SNX1: variants seen among roughly 807,000 people sequenced by gnomAD.
SNX1 encodes the protein sorting nexin 1.
Under a neutral mutation model 71.8 loss-of-function variants are expected in SNX1, and 36 were observed. The observed-to-expected ratio is 0.50, with a 90% CI of 0.38 to 0.66. SNX1 has a LOEUF of 0.66. Ranked by LOEUF, SNX1 falls within the 30% of genes least tolerant of loss-of-function variation. The pLI is 0.00. For missense variants in SNX1, 612 were observed against 646.7 expected, an observed-to-expected ratio of 0.95 and a Z score of 0.58; for synonymous variants, 254 against 240.7, an observed-to-expected ratio of 1.06 and a Z score of -0.51.
intron 4 of SNX1, among the ~76,000 whole-genome samples, chr15:64,122,518 C>T (rs1266723393): frequency 6.6e-6 from 1 of 152,132 alleles, no homozygotes; most frequent in African/African-American, 2.4e-5. Context: ...AGCCATCTTA[C>T]TGAAACCAAG....
chr15:64,136,426 C>T lies in SNX1; in HGVS notation c.1446+16C>T. On this transcript the variant is annotated intron_variant, in intron 13 of 14. Coordinates refer to ENST00000559844, the MANE Select transcript of SNX1 (RefSeq NM_003099.5). ...ACGGTTTGAGGTGAGATAGAAAATC[C>T]TACTTCTCACTTAGCATGCAGTGCT... 1 of 1,599,384 alleles carries T rather than the reference C, an allele frequency of 6.3e-7. No individual in the cohort carries two copies. The highest frequency in any genetic ancestry group is 8.6e-7 in the Non-Finnish European group (1 of 1,166,592).
chr15:64,123,474 T>C (rs773733099), intron 4 of SNX1, 29 bp from the exon 5 acceptor site: 5 of 1,605,322 alleles, frequency 3.1e-6, no homozygotes, highest in Non-Finnish European at 2.6e-6. Context: ...GTTTACAAGA[T>C]AATCTTCTGC....
chr15:64,126,894 A>T, intron 6 of SNX1, among the ~76,000 whole-genome samples: 1 of 152,064 alleles, frequency 6.6e-6, no homozygotes, highest in East Asian at 1.9e-4. Flanking sequence ...CTCTTCATTA[A>T]CATCAGTTGA....
chr15:64,109,897 G>A (rs1227769813), intron 1 of SNX1, among the ~76,000 whole-genome samples: 1 of 152,154 alleles, frequency 6.6e-6, no homozygotes, highest in Non-Finnish European at 1.5e-5. Flanking sequence ...CACACTTCTG[G>A]GGGAATGTAA....
chr15:64,123,826 G>A lies in SNX1; in HGVS notation c.510+280G>A, dbSNP rs114745313. Among the ~76,000 whole-genome samples the A allele has an allele frequency of 7.6e-3, 1,150 of 152,216 alleles. 16 individuals are homozygous for A. Among genetic ancestry groups the A allele is most frequent in the African/African-American group, 0.027 (1,106 of 41,502 alleles). On this transcript the variant is annotated intron_variant, in intron 5 of 14. Transcript: ENST00000559844. ...TCCCTCTTAGAGAACCATGTGGTTT[G>A]GAGCTAGATTCACAGATTGCCCTAA...
intron 1 of SNX1, among the ~76,000 whole-genome samples, chr15:64,096,779 C>T (rs2080906785): frequency 1.3e-5 from 2 of 152,196 alleles, no homozygotes; most frequent in Admixed American, 1.3e-4. Flanking sequence ...AAAGCTTTCT[C>T]CTTTTTAAAG....
chr15:64,126,148 T>C lies in SNX1; in HGVS notation c.580T>C (p.Tyr194His), dbSNP rs755651604. Residue 194 changes from tyrosine (Y) to histidine (H), a missense_variant, in exon 6 of 15, where the codon TAT (tyrosine) becomes CAT (histidine). By Grantham distance (83) the Tyr-to-His change is moderately conservative. Coordinates refer to ENST00000559844, the MANE Select transcript of SNX1 (RefSeq NM_003099.5). ...AAGATTTAGTGACTTTCTGGGTCTT[T>C]ATGAGAAGCTTTCCGAGAAGCACTC... is the stretch of plus-strand genomic sequence containing the variant. ...KRRFSDFLGL[Y>H]EKLSEKHSQN... The C allele has an allele frequency of 6.6e-5, 107 of 1,614,058 alleles. No individual in the cohort carries two copies. The highest frequency in any genetic ancestry group is 8.6e-5 in the Non-Finnish European group (102 of 1,180,004).
intron 1 of SNX1, among the ~76,000 whole-genome samples, chr15:64,107,554 C>T (rs186802986): frequency 6.2e-4 from 95 of 152,310 alleles, no homozygotes; most frequent in African/African-American, 2.1e-3. Flanking sequence ...CAAAAGTGCT[C>T]TCTCTTTCTG....
chr15:64,136,286 G>C (rs1467011244), intron 12 of SNX1, 44 bp from the exon 13 acceptor site: 2 of 1,461,032 alleles, frequency 1.4e-6, no homozygotes, highest in Non-Finnish European at 1.9e-6. Context: ...CTTAATAATG[G>C]TGCCATAATA....
At chr15:64,126,803 C>G (rs2081258249) in intron 6 of SNX1, among the ~76,000 whole-genome samples, 1 of 152,194 alleles carries the variant, frequency 6.6e-6, no homozygotes, top group South Asian at 2.1e-4. Flanking sequence ...TGGTCTTGAT[C>G]TCTTGACCTC....
Position 64,131,460 on chromosome 15 carries a change from T to C in SNX1, c.1016-227T>C, listed in dbSNP as rs114946945. ...CTTCCTTCAGGTAGGCCTAACCCAGTGAAACTCAGGACAGCTGGTGCCTCT... is the reference window on the plus strand; with the variant it reads ...CTTCCTTCAGGTAGGCCTAACCCAGCGAAACTCAGGACAGCTGGTGCCTCT... On this transcript the variant is annotated intron_variant, in intron 10 of 14. Transcript: ENST00000559844. 7.6e-3 allele frequency among the ~76,000 whole-genome samples: 1,151 copies of C among 152,292 alleles called. 16 individuals are homozygous for C. The highest frequency in any genetic ancestry group is 0.027 in the African/African-American group (1,107 of 41,548).
At chr15:64,127,000 C>G (rs1001401087) in intron 6 of SNX1, among the ~76,000 whole-genome samples, 174 bp from the exon 7 acceptor site, 1 of 152,182 alleles carries the variant, frequency 6.6e-6, no homozygotes, top group African/African-American at 2.4e-5. Context: ...GACTAGTTTT[C>G]AAAAGTGGCT....
Position 64,134,513 on chromosome 15 carries a change from A to T in SNX1, c.1222-151A>T. On this transcript the variant is annotated intron_variant, in intron 11 of 14. Transcript: ENST00000559844. The surrounding 1 kb of genome is among the most constrained non-coding windows in gnomAD (Gnocchi z 4.1). ...TACCCAAGCTTTGCTCCTAGACATT[A>T]AACTTCCCAGCTGGGCACTAACATG... The T allele has an allele frequency of 3.4e-6, 3 of 874,794 alleles. No individual in the cohort carries two copies. Among genetic ancestry groups the T allele is most frequent in the Non-Finnish European group, 5.1e-6 (3 of 586,234 alleles). 54.2% of individuals were successfully genotyped at this position (874,794 alleles called of 1,614,324 possible).
chr15:64,096,034 C>G lies in SNX1; in HGVS notation c.21C>G (p.Gly7=). 1 of 1,595,112 alleles carries G rather than the reference C, an allele frequency of 6.3e-7. No homozygotes were observed. Among genetic ancestry groups the G allele is most frequent in the Non-Finnish European group, 8.5e-7 (1 of 1,174,936 alleles). MASGGG[G]CSASERLPPP... ...AGAAGATGGCGTCGGGTGGTGGTGG[C>G]TGTAGCGCTTCGGAGAGACTGCCTC... is the stretch of plus-strand genomic sequence containing the variant. The change falls in exon 1 of 15, where the codon GGC becomes GGG. Residue 7 remains glycine, a synonymous_variant. Coordinates refer to ENST00000559844, the MANE Select transcript of SNX1 (RefSeq NM_003099.5).
In SNX1 at chr15:64,142,559, A is replaced by G; in HGVS notation, c.*4941A>G. 2.2e-6 allele frequency: 1 copy of G among 450,576 alleles called. No homozygotes were observed. Among genetic ancestry groups the G allele is most frequent in the Non-Finnish European group, 4.5e-6 (1 of 223,530 alleles). 27.9% of individuals were successfully genotyped at this position (450,576 alleles called of 1,614,324 possible). A position where few individuals can be genotyped will look rare whatever the true frequency, so the allele number is the denominator to read the frequency against. ...TGCCTCACTGCTGAGGCCACAGGAA[A>G]GAATCTGTAGGTGGAGGGGAGGCCG... On this transcript the variant is annotated 3_prime_UTR_variant, in exon 15 of 15. Transcript: ENST00000559844.
chr15:64,126,297 A>T, intron 6 of SNX1, 77 bp downstream of exon 6: 1 of 1,410,550 alleles, frequency 7.1e-7, no homozygotes, highest in Non-Finnish European at 9.7e-7. Context: ...TGTTCAGTAT[A>T]TGAGACTACT....
At chr15:64,127,513 G>A (rs766548375) in intron 7 of SNX1, among the ~76,000 whole-genome samples, 15 of 152,140 alleles carry the variant, frequency 9.9e-5, no homozygotes, top group Non-Finnish European at 5.9e-5. Context: ...ATGGCTCTGA[G>A]GTTTCTTTCT....
intron 10 of SNX1, 145 bp from the exon 11 acceptor site, chr15:64,131,540 CTG>C: frequency 1.5e-6 from 1 of 674,134 alleles, no homozygotes; most frequent in Admixed American, 2.6e-5. Flanking sequence ...ATACAGTTAA[CTG>C]TGGTGTAAGT....
In SNX1 at chr15:64,099,243, G is replaced by A. The variant is rs563679990; in HGVS notation, c.159+3071G>A. On this transcript the variant is annotated intron_variant, in intron 1 of 14. Transcript: ENST00000559844. Reference sequence around the variant, plus strand: ...TAATTACTCTCTACAGTTTCCTCACGTGTAAAAAGTGAATAATACTAGTAT... The same window carrying A: ...TAATTACTCTCTACAGTTTCCTCACATGTAAAAAGTGAATAATACTAGTAT... Among the ~76,000 whole-genome samples the A allele has an allele frequency of 1.2e-4, 18 of 152,198 alleles. No individual in the cohort carries two copies. The South Asian group carries it at 2.9e-3, about 25-fold the overall frequency.
Sources: allele counts gnomAD v4.1 joint callset (sites outside exome capture counted in the v4.1 genomes callset), GRCh38; gene constraint gnomAD v4.1.1; non-coding constraint Gnocchi (gnomAD v3.1); transcripts MANE v1.5; gene names NCBI Gene and HGNC (gene_info 2026-07-23, HGNC 2026-07-21).